SMARCA5: variants seen among roughly 807,000 people sequenced by gnomAD.
SMARCA5 encodes SWI/SNF-related matrix-associated actin-dependent regulator of chromatin subfamily A member 5.
In SMARCA5, 18 loss-of-function variants were observed where a neutral mutation model predicts 140.4. That is an observed-to-expected ratio of 0.13 (90% confidence interval 0.09 to 0.19). The LOEUF is 0.19. Among genes scored for constraint, SMARCA5 ranks in the 10% least tolerant of loss-of-function variants. SMARCA5 has a pLI of 1.00. For synonymous variants in SMARCA5, 449 were observed against 419.6 expected, an observed-to-expected ratio of 1.07 and a Z score of -0.86; for missense variants, 606 against 1,276.8, an observed-to-expected ratio of 0.47 and a Z score of 8.01.
chr4:143,544,869 A>T (rs770724240), intron 17 of SMARCA5, 22 bp downstream of exon 17: 1 of 1,198,066 alleles, frequency 8.3e-7, no homozygotes, highest in Non-Finnish European at 1.2e-6. Flanking sequence ...GACACAGCAT[A>T]AAAATATCTA....
chr4:143,543,476 C>A, intron 14 of SMARCA5, 33 bp from the exon 15 acceptor site: 1 of 1,581,488 alleles, frequency 6.3e-7, no homozygotes, highest in South Asian at 1.1e-5. Context: ...AAAGTCTGTT[C>A]AGTTAACATT....
chr4:143,544,362 G>C (rs17017859), intron 16 of SMARCA5: 3,441 of 174,988 alleles, frequency 0.02, 132 homozygotes, highest in African/African-American at 0.075. Flanking sequence ...CCAGAGATTA[G>C]AAGAAAAAAA....
chr4:143,543,816 G>T, intron 15 of SMARCA5, 37 bp from the exon 16 acceptor site: 1 of 1,576,426 alleles, frequency 6.3e-7, no homozygotes, highest in Non-Finnish European at 8.6e-7. Flanking sequence ...TGCTTTCTTT[G>T]CTGTGAATCT....
At position 143,514,150 on chromosome 4, in the gene SMARCA5, C is replaced by G. The variant is rs189633451; in HGVS notation, c.177+49C>G. On this transcript the variant is annotated intron_variant, in intron 1 of 23. Coordinates refer to ENST00000283131, the MANE Select transcript of SMARCA5 (RefSeq NM_003601.4). ...GAGCGGGTGCAGCGGGGAGGAGGAGCTGGCTCCCTCGCCGGATCGTGGCGA... is the reference window on the plus strand; with the variant it reads ...GAGCGGGTGCAGCGGGGAGGAGGAGGTGGCTCCCTCGCCGGATCGTGGCGA... The G allele has an allele frequency of 6.6e-4, 962 of 1,450,636 alleles. 6 individuals carry two copies. The African/African-American group carries it at 0.012, about 18-fold the overall frequency. 89.9% of individuals were successfully genotyped at this position (1,450,636 alleles called of 1,614,324 possible). A position where few individuals can be genotyped will look rare whatever the true frequency, so the allele number is the denominator to read the frequency against.
intron 23 of SMARCA5, among the ~76,000 whole-genome samples, chr4:143,552,405 T>G (rs571787931): frequency 6.6e-6 from 1 of 152,208 alleles, no homozygotes; most frequent in African/African-American, 2.4e-5. Context: ...CTGATTGCTG[T>G]AGCTAGGACT....
intron 9 of SMARCA5, 145 bp downstream of exon 9, chr4:143,530,671 C>A: frequency 1.8e-6 from 1 of 569,334 alleles, no homozygotes. Context: ...ACTCTTACAT[C>A]TTACAATCAG....
chr4:143,530,486 A>T lies in SMARCA5; in HGVS notation c.1118A>T (p.Asn373Ile). Residue 373 changes from asparagine (N) to isoleucine (I), a missense_variant, in exon 9 of 24, where the codon AAC becomes ATC. By Grantham distance (149) the Asn-to-Ile change is moderately radical. Transcript: ENST00000283131. ...DDFDSWFDTN[N>I]CLGDQKLVER... ...TTTGATTCCTGGTTTGATACAAACA[A>T]CTGCCTTGGGGATCAAAAACTAGTT... 6.2e-7 allele frequency: 1 copy of T among 1,612,232 alleles called. No homozygotes were observed. Among genetic ancestry groups the T allele is most frequent in the Non-Finnish European group, 8.5e-7 (1 of 1,179,076 alleles).
At chr4:143,540,520 T>C (rs757781296) in intron 14 of SMARCA5, 25 bp downstream of exon 14, 5 of 1,591,864 alleles carry the variant, frequency 3.1e-6, no homozygotes, top group South Asian at 1.1e-5. Context: ...TTTAAAACTT[T>C]ACCAAGTTGG....
intron 9 of SMARCA5, among the ~76,000 whole-genome samples, chr4:143,532,216 C>G (rs1737201500): frequency 6.6e-6 from 1 of 152,144 alleles, no homozygotes; most frequent in South Asian, 2.1e-4. Flanking sequence ...ACCTTTGTTT[C>G]AATTCAGATG....
At chr4:143,547,527 G>T in intron 21 of SMARCA5, 24 bp downstream of exon 21, 1 of 1,228,684 alleles carries the variant, frequency 8.1e-7, no homozygotes, top group South Asian at 1.2e-5. Flanking sequence ...TAATAAGTTA[G>T]GTAGTTAATA....
intron 10 of SMARCA5, among the ~76,000 whole-genome samples, chr4:143,535,345 C>T (rs777896034): frequency 5.9e-5 from 9 of 152,142 alleles, no homozygotes; most frequent in Non-Finnish European, 1.2e-4. Context: ...GAAAAAGATA[C>T]TGTTGGCCTT....
At chr4:143,546,693 G>A (rs1179503463) in intron 19 of SMARCA5, 83 bp from the exon 20 acceptor site, 2 of 1,335,926 alleles carry the variant, frequency 1.5e-6, no homozygotes, top group South Asian at 1.5e-5. Flanking sequence ...ATTTGTTTTT[G>A]TAATATTTAG....
At chr4:143,550,225 CTTTTT>C (rs70953739) in intron 23 of SMARCA5, 121 bp downstream of exon 23, 98 of 215,464 alleles carry the variant, frequency 4.5e-4, no homozygotes, top group East Asian at 1.3e-3. Flanking sequence ...ATTGCCTTTA[CTTTTT>C]TTTTTTTTTT....
chr4:143,514,747 A>T (rs1461781216), intron 1 of SMARCA5: 1 of 152,292 alleles, frequency 6.6e-6, no homozygotes, highest in Admixed American at 6.5e-5. Context: ...AGGCAGCAGC[A>T]GCTGTCTCGG....
At chr4:143,542,888 G>C (rs1397775385) in intron 14 of SMARCA5, among the ~76,000 whole-genome samples, 1 of 152,170 alleles carries the variant, frequency 6.6e-6, no homozygotes, top group Non-Finnish European at 1.5e-5. Flanking sequence ...GCTGAGACAG[G>C]AGAATGGCTT....
intron 23 of SMARCA5, among the ~76,000 whole-genome samples, chr4:143,550,694 T>C (rs560245425): frequency 1.3e-5 from 2 of 152,234 alleles, no homozygotes; most frequent in East Asian, 3.9e-4. Context: ...CAAGTTTGTC[T>C]TTCTGTGTCT....
intron 2 of SMARCA5, among the ~76,000 whole-genome samples, chr4:143,520,404 A>G (rs970237036): frequency 6.6e-6 from 1 of 152,196 alleles, no homozygotes; most frequent in Non-Finnish European, 1.5e-5. Context: ...GTTACTGTGC[A>G]GATTCATTTG....
chr4:143,513,814 G>T lies in SMARCA5; in HGVS notation c.-111G>T. On this transcript the variant is annotated 5_prime_UTR_variant, in exon 1 of 24. Transcript: ENST00000283131. ...GGCGCAGGGGAGCGCTCGGGTGGGA[G>T]TCTCGCTCCTCCACCAGTTTATTGC... 1.6e-6 allele frequency: 2 copies of T among 1,278,182 alleles called. No individual in the cohort carries two copies. The highest frequency in any genetic ancestry group is 2.1e-6 in the Non-Finnish European group (2 of 941,962). 79.2% of individuals were successfully genotyped at this position (1,278,182 alleles called of 1,614,324 possible). A position where few individuals can be genotyped will look rare whatever the true frequency, so the allele number is the denominator to read the frequency against.
intron 22 of SMARCA5, 92 bp from the exon 23 acceptor site, chr4:143,549,905 A>G (rs1430137734): frequency 5.7e-5 from 37 of 654,114 alleles, no homozygotes; most frequent in Middle Eastern, 8.8e-4. Flanking sequence ...GTGGTTTTAT[A>G]TATTATCCTA....
Sources: gnomAD v4.1 joint callset for allele counts (sites outside exome capture counted in the v4.1 genomes callset) on GRCh38, gnomAD v4.1.1 for gene constraint, MANE v1.5 for transcripts, NCBI Gene and HGNC (gene_info 2026-07-23, HGNC 2026-07-21) for gene names.